The following TMEM232 variants were observed in gnomAD, a reference collection of about 807,000 sequenced individuals.
The protein encoded by TMEM232 is transmembrane protein 232.
A neutral mutation model predicts 78.8 loss-of-function variants in TMEM232; 80 were observed. The ratio of observed to expected loss-of-function variants is 1.01; its 90% CI spans 0.85 to 1.22. TMEM232 has a LOEUF of 1.22. TMEM232 is among the 50% of genes most tolerant of loss of function. TMEM232 has a pLI of 0.00. For missense variants in TMEM232, 881 were observed against 742.2 expected, an observed-to-expected ratio of 1.19 and a Z score of -2.17; for synonymous variants, 297 against 254.3, an observed-to-expected ratio of 1.17 and a Z score of -1.60.
chr5:110,696,839 G>A (rs542657907), intron 1 of TMEM232, among the ~76,000 whole-genome samples: 2 of 152,108 alleles, frequency 1.3e-5, no homozygotes, highest in Non-Finnish European at 2.9e-5. Flanking sequence ...TCATGGGTAG[G>A]AAGAATCAAT....
At chr5:110,478,301 A>G (rs912740884) in intron 12 of TMEM232, among the ~76,000 whole-genome samples, 6 of 152,066 alleles carry the variant, frequency 3.9e-5, no homozygotes, top group East Asian at 3.9e-4. Context: ...GATAATAACC[A>G]TAAATTTAAA....
At chr5:110,522,071 G>A (rs968991854) in intron 12 of TMEM232, among the ~76,000 whole-genome samples, 10 of 152,112 alleles carry the variant, frequency 6.6e-5, no homozygotes, top group African/African-American at 2.2e-4. Context: ...AATACAAAAT[G>A]CCATTCATTT....
At position 110,431,325 on chromosome 5, in the gene TMEM232, T is replaced by C. The variant is rs369813178; in HGVS notation, c.1704-6409A>G. Among the ~76,000 whole-genome samples, 22 of 151,742 alleles carry C rather than the reference T, an allele frequency of 1.4e-4. 1 individual carries two copies. The South Asian group carries it at 3.1e-3, about 21-fold the overall frequency. Reference sequence around the variant, plus strand: ...CTTGATGAACACCTCAGGCTCTCCATTGGGACTCCTGAAAATTTACACTCT... The same window carrying C: ...CTTGATGAACACCTCAGGCTCTCCACTGGGACTCCTGAAAATTTACACTCT... On this transcript the variant is annotated intron_variant, in intron 12 of 13. Coordinates refer to ENST00000455884, the MANE Select transcript of TMEM232 (RefSeq NM_001039763.4).
rs1016955872 is a variant in TMEM232 at position 110,723,801 on chromosome 5, G to C, written c.-13+2826C>G. ...ATGAGTTCTAGCTAAAGCTTAGTAG[G>C]GGATGTTGGTAAAGTTTACTTTCAT... is the stretch of plus-strand genomic sequence containing the variant. On this transcript the variant is annotated intron_variant, in intron 1 of 13. Transcript: ENST00000455884. Among the ~76,000 whole-genome samples, 19 of 152,120 alleles carry C rather than the reference G, an allele frequency of 1.2e-4. 1 individual carries two copies. The highest frequency in any genetic ancestry group is 1.2e-3 in the Admixed American group (19 of 15,258).
chr5:110,721,209 T>C (rs1473968406), intron 1 of TMEM232, among the ~76,000 whole-genome samples: 6 of 152,076 alleles, frequency 3.9e-5, no homozygotes, highest in African/African-American at 1.4e-4. Flanking sequence ...CATGGGGCAG[T>C]CTTTTACACT....
intron 11 of TMEM232, among the ~76,000 whole-genome samples, chr5:110,559,639 A>G (rs1775519442): frequency 6.6e-6 from 1 of 152,220 alleles, no homozygotes; most frequent in African/African-American, 2.4e-5. Context: ...TTATACATCC[A>G]TCAGAATGTC....
intron 12 of TMEM232, among the ~76,000 whole-genome samples, chr5:110,428,099 T>G (rs1370265692): frequency 6.6e-6 from 1 of 151,856 alleles, no homozygotes; most frequent in Non-Finnish European, 1.5e-5. Flanking sequence ...TCTTTTGATT[T>G]TTTGTACCCA....
At chr5:110,572,098 GAGA>G (rs1346080686) in intron 10 of TMEM232, among the ~76,000 whole-genome samples, 2 of 151,908 alleles carry the variant, frequency 1.3e-5, no homozygotes, top group Non-Finnish European at 2.9e-5. Flanking sequence ...CAGGGGAAAG[GAGA>G]AGTACATTTT....
chr5:110,429,050 A>G (rs778131912), intron 12 of TMEM232, among the ~76,000 whole-genome samples: 17 of 151,840 alleles, frequency 1.1e-4, no homozygotes, highest in Non-Finnish European at 2.4e-4. Context: ...CATTTATTGC[A>G]AGGGGAAGTT....
intron 3 of TMEM232, among the ~76,000 whole-genome samples, chr5:110,393,373 T>C (rs1755272573): frequency 1.3e-5 from 2 of 152,220 alleles, no homozygotes; most frequent in South Asian, 4.1e-4. Flanking sequence ...CTTGAAGAAT[T>C]GACCTCTTCA....
rs545079280 is a variant in TMEM232 at position 110,656,116 on chromosome 5, A to G, written c.125+11112T>C. Reference sequence around the variant, plus strand: ...AACTGAAAGGTTATGTACAGCCAAAACCTATGGCTGTTGCTGACAACTTTT... The same window carrying G: ...AACTGAAAGGTTATGTACAGCCAAAGCCTATGGCTGTTGCTGACAACTTTT... On this transcript the variant is annotated intron_variant, in intron 2 of 13. Transcript: ENST00000455884. Among the ~76,000 whole-genome samples the G allele has an allele frequency of 5.3e-5, 8 of 152,280 alleles. No homozygotes were observed. The South Asian group carries it at 1.7e-3, about 32-fold the overall frequency.
intron 12 of TMEM232, among the ~76,000 whole-genome samples, chr5:110,514,201 G>C (rs1768239967): frequency 6.6e-6 from 1 of 151,942 alleles, no homozygotes; most frequent in South Asian, 2.1e-4. Context: ...TACATGTCTG[G>C]CATAGTCAAA....
In TMEM232 at chr5:110,606,143, C is replaced by T. The variant is rs1157251962; in HGVS notation, c.1026+21G>A. Reference sequence around the variant, plus strand: ...CTGTTTCTCTTCGGTTCTCTTTTCACATATAAATTAGCAATGTTACCTGAT... The same window carrying T: ...CTGTTTCTCTTCGGTTCTCTTTTCATATATAAATTAGCAATGTTACCTGAT... On this transcript the variant is annotated intron_variant, in intron 9 of 13. Transcript: ENST00000455884. 4 of 1,527,870 alleles carry T rather than the reference C, an allele frequency of 2.6e-6. No individual in the cohort carries two copies. In the Admixed American group the frequency reaches 6.0e-5, roughly 23 times the overall value. The allele number at this position is 1,527,870 out of a possible 1,614,324, so 94.6% of individuals were successfully genotyped here.
At chr5:110,496,143 T>A (rs751224714) in intron 12 of TMEM232, among the ~76,000 whole-genome samples, 15 of 151,970 alleles carry the variant, frequency 9.9e-5, no homozygotes, top group Non-Finnish European at 1.6e-4. Flanking sequence ...AATTTTACAA[T>A]TATTGTGATA....
intron 8 of TMEM232, among the ~76,000 whole-genome samples, chr5:110,606,630 T>C (rs1318279208): frequency 2.0e-5 from 3 of 152,002 alleles, no homozygotes; most frequent in African/African-American, 7.2e-5. Context: ...ATGTTTAACC[T>C]CTTGCAACTG....
At chr5:110,667,832 C>A (rs1485598814) in intron 1 of TMEM232, 2 of 152,100 alleles carry the variant, frequency 1.3e-5, no homozygotes, top group African/African-American at 4.8e-5. Context: ...GTTGTCTGTT[C>A]TTTAAAGTTT....
chr5:110,668,522 A>G (rs1790910834), intron 1 of TMEM232, among the ~76,000 whole-genome samples: 2 of 152,136 alleles, frequency 1.3e-5, no homozygotes, highest in African/African-American at 4.8e-5. Context: ...GGCAATGGGA[A>G]AATATCCAGC....
intron 12 of TMEM232, among the ~76,000 whole-genome samples, chr5:110,468,514 A>G (rs1762335262): frequency 6.6e-6 from 1 of 152,112 alleles, no homozygotes; most frequent in Non-Finnish European, 1.5e-5. Flanking sequence ...ATGTAAAAGG[A>G]AAGGCTAATA....
intron 12 of TMEM232, among the ~76,000 whole-genome samples, chr5:110,438,473 A>T (rs973501918): frequency 3.9e-5 from 6 of 151,994 alleles, no homozygotes; most frequent in Non-Finnish European, 8.8e-5. Context: ...TTTTTCATTA[A>T]GAAAATAGAT....
Sources: allele counts gnomAD v4.1 joint callset (sites outside exome capture counted in the v4.1 genomes callset), GRCh38; gene constraint gnomAD v4.1.1; transcripts MANE v1.5; gene names NCBI Gene and HGNC (gene_info 2026-07-23, HGNC 2026-07-21).